The following EDA variants were observed in gnomAD, a reference collection of about 807,000 sequenced individuals.
EDA encodes the protein ectodysplasin A.
In EDA, 2 loss-of-function variants were observed where a neutral mutation model predicts 23.6. The observed-to-expected ratio is 0.08, with a 90% CI of 0.03 to 0.27. The LOEUF (loss-of-function observed/expected upper bound fraction) is 0.27. EDA is among the 10% of genes least tolerant of loss of function. EDA has a pLI of 1.00. For missense variants in EDA, 229 were observed against 324.2 expected (o/e 0.71, Z 2.26); for synonymous variants, 131 against 132.0 (o/e 0.99, Z 0.05).
intron 1 of EDA, among the ~76,000 whole-genome samples, chrX:69,651,834 C>T (rs959841296): frequency 2.7e-5 from 3 of 109,987 alleles, no homozygotes; most frequent in African/African-American, 9.9e-5. Flanking sequence ...GAAGATTTGG[C>T]CTTTGAGAGG....
intron 1 of EDA, among the ~76,000 whole-genome samples, chrX:69,788,566 C>G (rs189626524): frequency 0.021 from 2,345 of 111,643 alleles, 39 homozygotes; most frequent in African/African-American, 0.065. Flanking sequence ...AGGTGTCAGT[C>G]TGCCCCTGCT....
intron 1 of EDA, among the ~76,000 whole-genome samples, chrX:69,682,076 T>C (rs1934377376): frequency 9.0e-6 from 1 of 111,709 alleles, no homozygotes; most frequent in Non-Finnish European, 1.9e-5. Flanking sequence ...TTGGAGTACC[T>C]GGCCGTGTGA....
chrX:69,834,139 A>G (rs2016704004), intron 1 of EDA, among the ~76,000 whole-genome samples: 2 of 110,243 alleles, frequency 1.8e-5, no homozygotes, highest in South Asian at 8.1e-4. Flanking sequence ...AACTCATCCA[A>G]CTATGTGTTA....
Position 69,917,682 on chromosome X carries a change from A to G in EDA, c.397-39345A>G, listed in dbSNP as rs911978804. On this transcript the variant is annotated intron_variant, in intron 1 of 7. Coordinates refer to ENST00000374552, the MANE Select transcript of EDA (RefSeq NM_001399.5). ...CTTTTCATCTACATCAAGTAATCCC[A>G]GATTAACTCTATTTTATGCTAATCG... Among the ~76,000 whole-genome samples, 3 of 111,792 alleles carry G rather than the reference A, an allele frequency of 2.7e-5. No homozygotes were observed. In the East Asian group the frequency reaches 8.4e-4, roughly 31 times the overall value.
At chrX:69,653,480 C>T (rs992378943) in intron 1 of EDA, among the ~76,000 whole-genome samples, 2 of 110,893 alleles carry the variant, frequency 1.8e-5, no homozygotes, top group African/African-American at 6.6e-5. Flanking sequence ...CTTCTCCTGC[C>T]TGATTGCCCT....
At chrX:69,920,065 TC>T (rs763289158) in intron 1 of EDA, among the ~76,000 whole-genome samples, 1 of 111,377 alleles carries the variant, frequency 9.0e-6, no homozygotes, top group Admixed American at 9.6e-5. Context: ...GTGTTGGGAA[TC>T]TTCATAGGGT....
chrX:69,913,209 TCTC>T (rs1012059979), intron 1 of EDA, among the ~76,000 whole-genome samples: 12 of 112,473 alleles, frequency 1.1e-4, no homozygotes, highest in Admixed American at 3.8e-4. Context: ...GGCATTGACT[TCTC>T]CTCTCTAGCT....
chrX:69,676,463 CA>C (rs1259517518), intron 1 of EDA, among the ~76,000 whole-genome samples: 2 of 106,676 alleles, frequency 1.9e-5, no homozygotes, highest in Non-Finnish European at 3.8e-5. Context: ...ATTTTGGCCT[CA>C]AATGGAAGAA....
At chrX:69,868,939 T>C (rs1602497348) in intron 1 of EDA, among the ~76,000 whole-genome samples, 1 of 112,346 alleles carries the variant, frequency 8.9e-6, no homozygotes, top group East Asian at 2.8e-4. Context: ...TCCATCTGTC[T>C]TCTGCACAGG....
chrX:69,871,430 T>C (rs1178217234), intron 1 of EDA, among the ~76,000 whole-genome samples: 2 of 110,899 alleles, frequency 1.8e-5, no homozygotes, highest in Non-Finnish European at 3.8e-5. Context: ...CCAGCCTGAG[T>C]CCCAAAACGG....
intron 1 of EDA, among the ~76,000 whole-genome samples, chrX:69,703,224 A>G (rs183322076): frequency 3.7e-4 from 41 of 111,703 alleles, no homozygotes; most frequent in African/African-American, 1.2e-3. Flanking sequence ...GGATTTTCGG[A>G]CCGGAGAAAC....
chrX:69,928,461 G>T (rs1270057730), intron 1 of EDA, among the ~76,000 whole-genome samples: 1 of 111,639 alleles, frequency 9.0e-6, no homozygotes, highest in African/African-American at 3.3e-5. Context: ...ATGTTATGTT[G>T]TATGTTACTG....
intron 1 of EDA, among the ~76,000 whole-genome samples, chrX:69,923,881 G>A (rs1181720164): frequency 2.7e-5 from 3 of 111,514 alleles, no homozygotes; most frequent in Admixed American, 9.5e-5. Context: ...GCATGAGATC[G>A]TATCTCATTG....
rs192490915 is a variant in EDA, at chrX:70,022,369, G to A, written c.503-849G>A. ...TTATTTATTTTTGAGATGGAGTCTC[G>A]CTCTGTCACCCAGGCTGGAGTGTAG... is the stretch of plus-strand genomic sequence containing the variant. On this transcript the variant is annotated intron_variant, in intron 2 of 7. Coordinates refer to ENST00000374552, the MANE Select transcript of EDA (RefSeq NM_001399.5). Among the ~76,000 whole-genome samples the A allele has an allele frequency of 3.2e-4, 34 of 107,918 alleles. No homozygotes were observed. In the East Asian group the frequency reaches 8.0e-3, roughly 25 times the overall value. 93.7% of individuals were successfully genotyped at this position (107,918 alleles called of 115,157 possible).
chrX:69,782,259 G>GGGGAT (rs2014967767), intron 1 of EDA, among the ~76,000 whole-genome samples: 6 of 108,243 alleles, frequency 5.5e-5, no homozygotes, highest in Non-Finnish European at 1.1e-4. Context: ...GTGACTGGGA[G>GGGGAT]GAGGAAGAGA....
At chrX:69,708,110 C>G (rs2011809328) in intron 1 of EDA, among the ~76,000 whole-genome samples, 2 of 111,601 alleles carry the variant, frequency 1.8e-5, no homozygotes, top group Admixed American at 1.9e-4. Flanking sequence ...CGATGCCAAT[C>G]TGTTAAAAGA....
chrX:69,639,362 GA>G (rs1932814839), intron 1 of EDA, among the ~76,000 whole-genome samples: 1 of 111,433 alleles, frequency 9.0e-6, no homozygotes, highest in Non-Finnish European at 1.9e-5. Context: ...CATAATTTTT[GA>G]ATAATTTTCG....
chrX:69,994,509 C>T lies in EDA; in HGVS notation c.503-28709C>T, dbSNP rs774353323. 2.7e-5 allele frequency among the ~76,000 whole-genome samples: 3 copies of T among 112,166 alleles called. No homozygotes were observed. The South Asian group carries it at 1.1e-3, about 42-fold the overall frequency. ...CTTTGTAAATACAGATTTCCTGGCT[C>T]TACCCTCAGATTTTATTAATAGATC... On this transcript the variant is annotated intron_variant, in intron 2 of 7. Transcript: ENST00000374552.
intron 1 of EDA, among the ~76,000 whole-genome samples, chrX:69,766,352 A>G (rs776368596): frequency 9.0e-6 from 1 of 110,788 alleles, no homozygotes; most frequent in South Asian, 3.9e-4. Context: ...AACTCATGTC[A>G]TGGGAGTTTG....
Sources: gnomAD v4.1 joint callset for allele counts (sites outside exome capture counted in the v4.1 genomes callset) on GRCh38, gnomAD v4.1.1 for gene constraint, MANE v1.5 for transcripts, NCBI Gene and HGNC (gene_info 2026-07-23, HGNC 2026-07-21) for gene names.